CCSER1: variants seen among roughly 807,000 people sequenced by gnomAD.
The protein encoded by CCSER1 is coiled-coil serine rich protein 1, also known as serine-rich coiled-coil domain-containing protein 1.
In CCSER1, 41 loss-of-function variants were observed where a neutral mutation model predicts 82.0. The observed-to-expected ratio is 0.50, with a 90% CI of 0.39 to 0.65. The LOEUF is 0.65. CCSER1 is among the 30% of genes least tolerant of loss of function. CCSER1 has a pLI of 0.00. For missense variants in CCSER1, 1,119 were observed against 1,064.2 expected (o/e 1.05, Z -0.72); for synonymous variants, 414 against 383.9 (o/e 1.08, Z -0.92).
intron 10 of CCSER1, among the ~76,000 whole-genome samples, chr4:91,169,050 A>G (rs1431349004): frequency 1.3e-5 from 2 of 152,106 alleles, no homozygotes; most frequent in Non-Finnish European, 2.9e-5. Flanking sequence ...ACCTAGGGAC[A>G]CAAACACTGT....
At chr4:91,218,165 C>T (rs552428346) in intron 10 of CCSER1, among the ~76,000 whole-genome samples, 48 of 152,332 alleles carry the variant, frequency 3.2e-4, no homozygotes, top group African/African-American at 7.0e-4. Flanking sequence ...CACGGTGGGC[C>T]GGCACTGCTG....
chr4:90,298,897 A>G (rs773877961), intron 1 of CCSER1, among the ~76,000 whole-genome samples: 2 of 151,958 alleles, frequency 1.3e-5, no homozygotes, highest in African/African-American at 2.4e-5. Context: ...GCCTCTTATT[A>G]TTTACTTAAG....
intron 10 of CCSER1, among the ~76,000 whole-genome samples, chr4:91,537,893 C>T (rs1303321531): frequency 2.0e-5 from 3 of 151,768 alleles, no homozygotes; most frequent in Non-Finnish European, 2.9e-5. Flanking sequence ...TATCTTTCCT[C>T]ATAAAATAAA....
intron 7 of CCSER1, among the ~76,000 whole-genome samples, chr4:90,770,142 A>C (rs778082111): frequency 2.0e-5 from 3 of 152,138 alleles, no homozygotes; most frequent in Non-Finnish European, 4.4e-5. Context: ...AATTTAGAAA[A>C]TGATCCATCA....
chr4:90,593,604 C>G (rs1026712997), intron 5 of CCSER1, among the ~76,000 whole-genome samples: 1 of 152,052 alleles, frequency 6.6e-6, no homozygotes, highest in African/African-American at 2.4e-5. Flanking sequence ...TTTCCAGCCT[C>G]CAGGTTCTAT....
intron 5 of CCSER1, among the ~76,000 whole-genome samples, chr4:90,572,909 A>G (rs1780288915): frequency 6.6e-6 from 1 of 152,162 alleles, no homozygotes; most frequent in Non-Finnish European, 1.5e-5. Context: ...CTTGTGATTG[A>G]GCATTGATGT....
chr4:91,085,918 CAAT>C, intron 9 of CCSER1, 29 bp from the exon 10 acceptor site: 1 of 1,253,070 alleles, frequency 8.0e-7, no homozygotes, highest in Non-Finnish European at 1.1e-6. Context: ...TCTTCGTTGC[CAAT>C]AATAATATAC....
chr4:90,230,274 T>G (rs1210405014), intron 1 of CCSER1, among the ~76,000 whole-genome samples: 1 of 152,136 alleles, frequency 6.6e-6, no homozygotes, highest in Non-Finnish European at 1.5e-5. Flanking sequence ...AAACTGTCTC[T>G]CAGACCACAG....
chr4:91,598,463 T>A, intron 10 of CCSER1, 109 bp from the exon 11 acceptor site: 1 of 1,165,144 alleles, frequency 8.6e-7, no homozygotes, highest in Non-Finnish European at 1.2e-6. Flanking sequence ...ATAAACCTCA[T>A]TGAAAATTTA....
intron 5 of CCSER1, among the ~76,000 whole-genome samples, chr4:90,608,772 TTTC>T (rs139980381): frequency 0.088 from 13,426 of 152,148 alleles, 767 homozygotes; most frequent in East Asian, 0.17. Flanking sequence ...TTCCAATTTA[TTTC>T]TTCTTATTTT....
intron 10 of CCSER1, among the ~76,000 whole-genome samples, chr4:91,569,293 G>A (rs540408304): frequency 6.6e-6 from 1 of 152,124 alleles, no homozygotes; most frequent in African/African-American, 2.4e-5. Flanking sequence ...GCTGGCTGTA[G>A]ATTGCAACTT....
At chr4:90,329,885 A>T (rs1016535031) in intron 3 of CCSER1, among the ~76,000 whole-genome samples, 1 of 152,158 alleles carries the variant, frequency 6.6e-6, no homozygotes, top group Non-Finnish European at 1.5e-5. Context: ...AAGTTTAACC[A>T]TTGTAGACAT....
At chr4:91,190,832 T>C (rs565168543) in intron 10 of CCSER1, among the ~76,000 whole-genome samples, 1 of 152,324 alleles carries the variant, frequency 6.6e-6, no homozygotes. Context: ...AATTTACTTA[T>C]TATTTTATCC....
chr4:91,208,032 T>A (rs1736489670), intron 10 of CCSER1, among the ~76,000 whole-genome samples: 2 of 151,866 alleles, frequency 1.3e-5, no homozygotes, highest in South Asian at 4.1e-4. Context: ...GTCTTCTTTT[T>A]AAAAGTGTCT....
chr4:90,509,512 CA>C (rs1277742876), intron 5 of CCSER1, among the ~76,000 whole-genome samples: 3 of 152,100 alleles, frequency 2.0e-5, no homozygotes, highest in Non-Finnish European at 2.9e-5. Flanking sequence ...CAATTGCAAT[CA>C]TTTTTTTTAT....
chr4:90,203,712 T>C (rs1009750904), intron 1 of CCSER1, among the ~76,000 whole-genome samples: 1 of 152,204 alleles, frequency 6.6e-6, no homozygotes, highest in Non-Finnish European at 1.5e-5. Context: ...TACCAAGTAA[T>C]GGGATTGCTG....
chr4:91,050,465 A>G (rs1561503265), intron 9 of CCSER1, among the ~76,000 whole-genome samples: 1 of 152,064 alleles, frequency 6.6e-6, no homozygotes, highest in Non-Finnish European at 1.5e-5. Context: ...AAACCATTTA[A>G]TAAGCTTTCT....
intron 4 of CCSER1, among the ~76,000 whole-genome samples, chr4:90,413,479 G>GCT (rs1016887703): frequency 6.6e-6 from 1 of 151,996 alleles, no homozygotes; most frequent in African/African-American, 2.4e-5. Flanking sequence ...CCATAAAAGA[G>GCT]CTCACATAGC....
chr4:91,151,212 C>T lies in CCSER1; in HGVS notation c.2217+65218C>T, dbSNP rs144643572. ...TTTAGTCTTGGGAGGGTGCATTTGT[C>T]GAGGAATTTATCCATTTCTTCTAGA... On this transcript the variant is annotated intron_variant, in intron 10 of 10. Transcript: ENST00000509176. Among the ~76,000 whole-genome samples, 1,440 of 152,098 alleles carry T rather than the reference C, an allele frequency of 9.5e-3. 11 individuals are homozygous for T. The highest frequency in any genetic ancestry group is 0.023 in the African/African-American group (943 of 41,488).
Sources: gnomAD v4.1 joint callset for allele counts (sites outside exome capture counted in the v4.1 genomes callset) on GRCh38, gnomAD v4.1.1 for gene constraint, MANE v1.5 for transcripts, NCBI Gene and HGNC (gene_info 2026-07-23, HGNC 2026-07-21) for gene names.